Variants in AGBL1 observed in about 807,000 individuals in gnomAD.
AGBL1 encodes the protein AGBL carboxypeptidase 1.
In AGBL1, 130 loss-of-function variants were observed where a neutral mutation model predicts 118.9. That is an observed-to-expected ratio of 1.09 (90% CI 0.95 to 1.26). AGBL1 has a LOEUF of 1.26. Among genes scored for constraint, AGBL1 ranks in the 50% most tolerant of loss-of-function variants. The probability of loss-of-function intolerance (pLI) is 0.00; values close to 1 mark genes in which losing one functional copy is unlikely to be tolerated. For synonymous variants in AGBL1, 555 were observed against 478.9 expected, an observed-to-expected ratio of 1.16 and a Z score of -2.08; for missense variants, 1,584 against 1,298.1, an observed-to-expected ratio of 1.22 and a Z score of -3.38.
intron 19 of AGBL1, among the ~76,000 whole-genome samples, chr15:86,537,869 G>A (rs1286050808): frequency 2.0e-5 from 3 of 152,096 alleles, no homozygotes; most frequent in East Asian, 1.9e-4. Context: ...CATGGTGACC[G>A]ACACATATCT....
intron 16 of AGBL1, among the ~76,000 whole-genome samples, chr15:86,294,328 G>A (rs547622958): frequency 6.6e-6 from 1 of 151,118 alleles, no homozygotes; most frequent in South Asian, 2.1e-4. Context: ...GAACCTGGGA[G>A]GTGGAGGTTG....
chr15:86,651,264 A>G (rs1054946351), intron 21 of AGBL1, among the ~76,000 whole-genome samples: 3 of 152,158 alleles, frequency 2.0e-5, no homozygotes, highest in Non-Finnish European at 1.5e-5. Context: ...TGCAGGGGTC[A>G]CGTTTTGAGA....
At chr15:86,118,963 T>C (rs537689338) in intron 1 of AGBL1, among the ~76,000 whole-genome samples, 1 of 152,246 alleles carries the variant, frequency 6.6e-6, no homozygotes, top group African/African-American at 2.4e-5. Context: ...ACAGCAAAAT[T>C]GTGGGTGAGT....
chr15:86,128,184 A>T (rs2076772668), intron 1 of AGBL1, among the ~76,000 whole-genome samples: 1 of 152,214 alleles, frequency 6.6e-6, no homozygotes, highest in African/African-American at 2.4e-5. Context: ...ATGGACTCAC[A>T]GTTCCACATG....
At chr15:86,832,567 G>T (rs1310595902) in intron 22 of AGBL1, among the ~76,000 whole-genome samples, 1 of 152,172 alleles carries the variant, frequency 6.6e-6, no homozygotes, top group African/African-American at 2.4e-5. Flanking sequence ...AATGTCACCA[G>T]TCTCTTTGCC....
At chr15:86,437,926 G>T (rs2142049170) in intron 18 of AGBL1, among the ~76,000 whole-genome samples, 1 of 151,978 alleles carries the variant, frequency 6.6e-6, no homozygotes, top group South Asian at 2.1e-4. Flanking sequence ...TTTTTTTGGA[G>T]ACGGAGTCTC....
chr15:86,423,377 C>A (rs371020673), intron 18 of AGBL1, among the ~76,000 whole-genome samples: 1 of 152,070 alleles, frequency 6.6e-6, no homozygotes. Context: ...ATTCAACAAC[C>A]TTTCATGCAA....
At position 86,908,316 on chromosome 15, in the gene AGBL1, A is replaced by T. The variant is rs1406834982; in HGVS notation, c.*1022A>T. On this transcript the variant is annotated 3_prime_UTR_variant, in exon 23 of 23. Transcript: ENST00000614907. ...GAAAAAATTCTCACCAGCCTGGACAACATGATGAAACCCTGTCTCTACTAA... is the reference window on the plus strand; with the variant it reads ...GAAAAAATTCTCACCAGCCTGGACATCATGATGAAACCCTGTCTCTACTAA... The T allele has an allele frequency of 6.6e-6, 1 of 152,182 alleles. No individual in the cohort carries two copies. The highest frequency in any genetic ancestry group is 1.5e-5 in the Non-Finnish European group (1 of 68,038). 9.4% of individuals were successfully genotyped at this position (152,182 alleles called of 1,614,324 possible). A position where few individuals can be genotyped will look rare whatever the true frequency, so the allele number is the denominator to read the frequency against.
intron 22 of AGBL1, among the ~76,000 whole-genome samples, chr15:86,725,124 A>C (rs1161719515): frequency 6.6e-6 from 1 of 152,224 alleles, no homozygotes; most frequent in Non-Finnish European, 1.5e-5. Flanking sequence ...CTAAAAATTA[A>C]ATGTGGGTTG....
At chr15:86,798,286 C>T (rs1202880009) in intron 22 of AGBL1, among the ~76,000 whole-genome samples, 1 of 152,146 alleles carries the variant, frequency 6.6e-6, no homozygotes, top group African/African-American at 2.4e-5. Context: ...ACTAAGGAGT[C>T]TGGGAAATTT....
intron 5 of AGBL1, among the ~76,000 whole-genome samples, chr15:86,205,975 C>G (rs1457236903): frequency 1.3e-5 from 2 of 152,116 alleles, no homozygotes; most frequent in Non-Finnish European, 2.9e-5. Flanking sequence ...CTATCCCTCC[C>G]CCTGCCCGCT....
intron 17 of AGBL1, among the ~76,000 whole-genome samples, chr15:86,317,822 A>G (rs1042606122): frequency 6.6e-6 from 1 of 152,232 alleles, no homozygotes; most frequent in African/African-American, 2.4e-5. Context: ...ATAAAGATTT[A>G]TTTATAAAAT....
intron 22 of AGBL1, among the ~76,000 whole-genome samples, chr15:86,858,463 G>GGTGTGTGTGTGTGTGT (rs3059715): frequency 8.2e-5 from 12 of 147,168 alleles, no homozygotes; most frequent in East Asian, 6.1e-4. Flanking sequence ...CCTTTCAGGT[G>GGTGTGTGTGTGTGTGT]GTGTGTGTGT....
At chr15:86,608,086 A>G (rs888546856) in intron 21 of AGBL1, among the ~76,000 whole-genome samples, 1 of 152,218 alleles carries the variant, frequency 6.6e-6, no homozygotes, top group Non-Finnish European at 1.5e-5. Flanking sequence ...CAACAGTGAC[A>G]TCATTTGTTT....
intron 3 of AGBL1, among the ~76,000 whole-genome samples, chr15:86,152,677 A>C (rs1239606391): frequency 2.6e-5 from 4 of 152,354 alleles, no homozygotes; most frequent in East Asian, 3.8e-4. Context: ...GATCTAATTA[A>C]ACTAAAGAGC....
intron 22 of AGBL1, among the ~76,000 whole-genome samples, chr15:86,890,866 A>T (rs974835074): frequency 6.6e-6 from 1 of 152,182 alleles, no homozygotes; most frequent in Non-Finnish European, 1.5e-5. Context: ...TATCTTTGCT[A>T]TGCAGGCTCT....
At chr15:86,123,656 G>A (rs532835649) in intron 1 of AGBL1, among the ~76,000 whole-genome samples, 9 of 152,202 alleles carry the variant, frequency 5.9e-5, no homozygotes, top group Non-Finnish European at 8.8e-5. Context: ...TGACCTGGAA[G>A]CCCCTGCTTC....
chr15:86,171,391 C>T (rs1204011277), intron 5 of AGBL1, among the ~76,000 whole-genome samples: 1 of 152,154 alleles, frequency 6.6e-6, no homozygotes, highest in East Asian at 1.9e-4. Context: ...TAAAAGTATT[C>T]TATTGTAAGT....
chr15:86,827,398 CATATATATATGTGTATATATAT>C (rs2079033361), intron 22 of AGBL1, among the ~76,000 whole-genome samples: 1 of 3,580 alleles, frequency 2.8e-4, no homozygotes, highest in Non-Finnish European at 4.5e-4. Flanking sequence ...TATATATATA[CATATATATATGTGTATATATAT>C]ATATATATAC....
Sources: allele counts gnomAD v4.1 joint callset (sites outside exome capture counted in the v4.1 genomes callset), GRCh38; gene constraint gnomAD v4.1.1; transcripts MANE v1.5; gene names NCBI Gene and HGNC (gene_info 2026-07-23, HGNC 2026-07-21).